TRMT1: variants seen among roughly 807,000 people sequenced by gnomAD.
TRMT1 encodes tRNA methyltransferase 1.
A neutral mutation model predicts 75.4 loss-of-function variants in TRMT1; 63 were observed. The ratio of observed to expected loss-of-function variants is 0.84; its 90% CI spans 0.68 to 1.03. The LOEUF (loss-of-function observed/expected upper bound fraction) is 1.03, where lower values mean the gene tolerates loss of function less well. Ranked by LOEUF, TRMT1 falls within the 50% of genes least tolerant of loss-of-function variation. The pLI is 0.00. For synonymous variants in TRMT1, 382 were observed against 358.1 expected (o/e 1.07, Z -0.75); for missense variants, 870 against 905.3 (o/e 0.96, Z 0.50).
In TRMT1 at chr19:13,106,821, A is replaced by T. The variant is rs1175980931; in HGVS notation, c.1583+753T>A. Among the ~76,000 whole-genome samples the T allele has an allele frequency of 2.1e-5, 3 of 142,650 alleles. No homozygotes were observed. The East Asian group carries it at 6.4e-4, about 30-fold the overall frequency. 93.6% of individuals were successfully genotyped at this position (142,650 alleles called of 152,430 possible). On this transcript the variant is annotated intron_variant, in intron 14 of 16. Transcript: ENST00000357720. ...GATTTAGTTATTTTTATTTTTATTT[A>T]TTTATTTATTTATTTATTTGAGACG...
At chr19:13,107,985 C>A in intron 12 of TRMT1, 126 bp from the exon 13 acceptor site, 12 of 328,580 alleles carry the variant, frequency 3.7e-5, no homozygotes, top group Non-Finnish European at 5.4e-5. Flanking sequence ...CTTTTCTTTT[C>A]TTTTTTTTTT....
At chr19:13,107,167 C>A (rs1188496530) in intron 14 of TRMT1, among the ~76,000 whole-genome samples, 1 of 150,520 alleles carries the variant, frequency 6.6e-6, no homozygotes, top group African/African-American at 2.5e-5. Flanking sequence ...TGGAGTCTCG[C>A]TCTGTCGCCC....
chr19:13,109,118 GTATGTATGTGTGTGTA>G (rs967598662), intron 12 of TRMT1, among the ~76,000 whole-genome samples: 7 of 151,442 alleles, frequency 4.6e-5, no homozygotes, highest in East Asian at 1.9e-4. Flanking sequence ...GTATACATAC[GTATGTATGTGTGTGTA>G]TATGTATGTG....
At chr19:13,109,724 C>T in intron 10 of TRMT1, 40 bp from the exon 11 acceptor site, 8 of 1,613,998 alleles carry the variant, frequency 5.0e-6, no homozygotes, top group Non-Finnish European at 6.8e-6. Flanking sequence ...GGACTATGAC[C>T]TTCAAGACCC....
At chr19:13,115,488 C>A in intron 4 of TRMT1, 22 bp from the exon 5 acceptor site, 1 of 1,606,136 alleles carries the variant, frequency 6.2e-7, no homozygotes, top group Non-Finnish European at 8.5e-7. Flanking sequence ...AGCAGAAAAC[C>A]TCCCTCACAT....
At chr19:13,108,094 G>A (rs1451927977) in intron 12 of TRMT1, among the ~76,000 whole-genome samples, 3 of 138,100 alleles carry the variant, frequency 2.2e-5, no homozygotes, top group Non-Finnish European at 3.1e-5. Context: ...GGGTTTAAGC[G>A]ATTCTCCTGC....
At chr19:13,106,739 G>A (rs576694380) in intron 14 of TRMT1, among the ~76,000 whole-genome samples, 5 of 150,898 alleles carry the variant, frequency 3.3e-5, no homozygotes, top group South Asian at 2.1e-4. Flanking sequence ...TGCCTGTCTT[G>A]GCCTCCCAAA....
chr19:13,105,144 T>C, intron 16 of TRMT1, 63 bp from the exon 17 acceptor site: 1 of 1,547,966 alleles, frequency 6.5e-7, no homozygotes. Flanking sequence ...ATGGGATCCT[T>C]TCCTGGGATG....
chr19:13,105,621 G>A lies in TRMT1; in HGVS notation c.1584-15C>T. ...TGGCCTGCAGCCTAGGGAAGCAGGG[G>A]TGGGGCGTTGGGGCTGGGGGAAGCT... On this transcript the variant is annotated splice_polypyrimidine_tract_variant and intron_variant, in intron 14 of 16. Transcript: ENST00000357720. The A allele has an allele frequency of 6.2e-7, 1 of 1,607,802 alleles. No individual in the cohort carries two copies. The highest frequency in any genetic ancestry group is 8.5e-7 in the Non-Finnish European group (1 of 1,177,322).
In TRMT1 at chr19:13,109,857, T is replaced by C; in HGVS notation, c.1107-19A>G. 1 of 1,613,980 alleles carries C rather than the reference T, an allele frequency of 6.2e-7. No individual in the cohort carries two copies. The highest frequency in any genetic ancestry group is 2.2e-5 in the East Asian group (1 of 44,864). ...CTTGGCCCTAAACAGAGAGGGGTGG[T>C]TGGTGGGGAGGGAGGAAAACCCTGG... On this transcript the variant is annotated intron_variant, in intron 9 of 16. Transcript: ENST00000357720.
At chr19:13,111,569 T>C (rs1420617179) in intron 7 of TRMT1, among the ~76,000 whole-genome samples, 1 of 148,756 alleles carries the variant, frequency 6.7e-6, no homozygotes, top group Non-Finnish European at 1.5e-5. Context: ...TTTTTTTTTT[T>C]GTATTTTTAG....
At position 13,105,248 on chromosome 19, in the gene TRMT1, A is replaced by G; in HGVS notation, c.1833+19T>C. 6.2e-7 allele frequency: 1 copy of G among 1,608,144 alleles called. No homozygotes were observed. Among genetic ancestry groups the G allele is most frequent in the South Asian group, 1.1e-5 (1 of 90,224 alleles). ...GACTCATGTGTCCTGCAGTGGAGGA[A>G]AGGGAGGAGGGACCTCACCTCCTTA... On this transcript the variant is annotated intron_variant, in intron 16 of 16. Transcript: ENST00000357720.
intron 5 of TRMT1, among the ~76,000 whole-genome samples, chr19:13,113,521 A>T (rs1207463523): frequency 1.3e-5 from 2 of 152,158 alleles, no homozygotes; most frequent in African/African-American, 4.8e-5. Context: ...TGTGGAACTC[A>T]GTCCACACAT....
At chr19:13,108,503 G>A (rs867350949) in intron 12 of TRMT1, among the ~76,000 whole-genome samples, 3 of 146,986 alleles carry the variant, frequency 2.0e-5, no homozygotes, top group Admixed American at 6.9e-5. Flanking sequence ...ACGTTGACCG[G>A]GCTGGTCTCG....
rs766561752 is a variant in TRMT1, at chr19:13,115,785, G to T, written c.311-17C>A. 4 of 1,613,818 alleles carry T rather than the reference G, an allele frequency of 2.5e-6. No individual in the cohort carries two copies. The highest frequency in any genetic ancestry group is 3.4e-6 in the Non-Finnish European group (4 of 1,179,912). On this transcript the variant is annotated splice_polypyrimidine_tract_variant and intron_variant, in intron 3 of 16. Coordinates refer to ENST00000357720, the MANE Select transcript of TRMT1 (RefSeq NM_001136035.4). ...GAACCTTGACTGCAGCCACCCAGAGGCACAAGTCAGAGAATAACAAGGTCC... is the reference window on the plus strand; with the variant it reads ...GAACCTTGACTGCAGCCACCCAGAGTCACAAGTCAGAGAATAACAAGGTCC...
intron 2 of TRMT1, 32 bp downstream of exon 2, chr19:13,116,114 C>T (rs943523853): frequency 1.2e-6 from 2 of 1,614,066 alleles, no homozygotes; most frequent in Non-Finnish European, 1.7e-6. Context: ...ACCCACTAGC[C>T]GATGCCAGGC....
rs149435564 is a variant in TRMT1 at position 13,112,995 on chromosome 19, G to A, written c.658C>T (p.His220Tyr). The part of the protein sequence containing the change: ...QADARMLMYQ[H>Y]QRVSERFDVI... ...TCAAACCTCTCCGACACCCTCTGGT[G>A]CTGGTACATCAGCATCCTGGGTGCA... The change falls in exon 6 of 17, where the codon CAC becomes TAC. Residue 220 changes from histidine (H) to tyrosine (Y), a missense_variant. Coordinates refer to ENST00000357720, the MANE Select transcript of TRMT1 (RefSeq NM_001136035.4). 1.8e-4 allele frequency: 290 copies of A among 1,611,854 alleles called. No individual in the cohort carries two copies. Among genetic ancestry groups the A allele is most frequent in the Non-Finnish European group, 2.4e-4 (283 of 1,179,008 alleles).
At chr19:13,105,703 C>A in intron 14 of TRMT1, 97 bp from the exon 15 acceptor site, 1 of 1,208,502 alleles carries the variant, frequency 8.3e-7, no homozygotes, top group Non-Finnish European at 1.2e-6. Flanking sequence ...CAACACAGCA[C>A]GAGGTGTCTG....
chr19:13,113,082 C>G, intron 5 of TRMT1, 71 bp from the exon 6 acceptor site: 1 of 1,205,586 alleles, frequency 8.3e-7, no homozygotes, highest in Non-Finnish European at 1.2e-6. Flanking sequence ...CACATATTAA[C>G]TCGTACAGCA....
Sources: gnomAD v4.1 joint callset for allele counts (sites outside exome capture counted in the v4.1 genomes callset) on GRCh38, gnomAD v4.1.1 for gene constraint, MANE v1.5 for transcripts, NCBI Gene and HGNC (gene_info 2026-07-23, HGNC 2026-07-21) for gene names.